The following EPB41L2 variants were observed in gnomAD, a reference collection of about 807,000 sequenced individuals.
EPB41L2 encodes band 4.1-like protein 2.
A neutral mutation model predicts 113.0 loss-of-function variants in EPB41L2; 43 were observed. The observed-to-expected ratio is 0.38, with a 90% confidence interval of 0.30 to 0.49. The LOEUF is 0.49. EPB41L2 is among the 20% of genes least tolerant of loss of function. The probability of loss-of-function intolerance (pLI) is 0.95; values close to 1 mark genes in which losing one functional copy is unlikely to be tolerated. For missense variants in EPB41L2, 1,147 were observed against 1,223.4 expected (o/e 0.94, Z 0.93); for synonymous variants, 442 against 436.7 (o/e 1.01, Z -0.15).
intron 1 of EPB41L2, among the ~76,000 whole-genome samples, chr6:130,998,742 T>C (rs1783707621): frequency 6.6e-6 from 1 of 152,132 alleles, no homozygotes; most frequent in Non-Finnish European, 1.5e-5. Context: ...AACAGGTAAA[T>C]TTTTCTCCCT....
chr6:130,925,883 C>A (rs1025901560), intron 4 of EPB41L2, among the ~76,000 whole-genome samples: 1 of 152,112 alleles, frequency 6.6e-6, no homozygotes, highest in African/African-American at 2.4e-5. Flanking sequence ...AAGAATTAAA[C>A]CACAAATTAG....
chr6:130,867,972 ACTCTCTCTCT>A (rs147376370), intron 15 of EPB41L2: 35 of 75,546 alleles, frequency 4.6e-4, no homozygotes, highest in Admixed American at 1.2e-3. Flanking sequence ...ACACACACAC[ACTCTCTCTCT>A]CTCTCTCTCT....
chr6:130,938,575 T>C (rs987437493), intron 3 of EPB41L2, among the ~76,000 whole-genome samples: 12 of 152,184 alleles, frequency 7.9e-5, no homozygotes, highest in Admixed American at 6.5e-5. Context: ...TGGGTGAACA[T>C]GGCCCTGAAC....
intron 1 of EPB41L2, among the ~76,000 whole-genome samples, chr6:131,001,468 T>G (rs1784371571): frequency 1.3e-5 from 2 of 152,124 alleles, no homozygotes; most frequent in South Asian, 4.1e-4. Flanking sequence ...AAGCGCAGAG[T>G]GCTGCCAGAA....
chr6:130,847,875 G>T (rs1352022233), intron 19 of EPB41L2, among the ~76,000 whole-genome samples: 1 of 152,096 alleles, frequency 6.6e-6, no homozygotes, highest in African/African-American at 2.4e-5. Context: ...AATAACAAAT[G>T]AACTATGGTC....
chr6:130,955,895 GT>G, intron 2 of EPB41L2, 98 bp downstream of exon 2: 3 of 1,515,882 alleles, frequency 2.0e-6, no homozygotes, highest in Non-Finnish European at 2.6e-6. Context: ...CAGTATCTCA[GT>G]ACAAGAAATC....
intron 1 of EPB41L2, among the ~76,000 whole-genome samples, chr6:131,008,369 C>T (rs1305322018): frequency 1.3e-5 from 2 of 152,232 alleles, no homozygotes; most frequent in Admixed American, 1.3e-4. Flanking sequence ...GGAACTTCCA[C>T]CTAGATTTCA....
At chr6:130,841,957 G>C (rs983102418) in intron 19 of EPB41L2, among the ~76,000 whole-genome samples, 7 of 152,148 alleles carry the variant, frequency 4.6e-5, no homozygotes, top group African/African-American at 1.7e-4. Flanking sequence ...AAGAGAAAAG[G>C]GTTTTAAGGT....
chr6:130,920,229 G>A (rs1487582969), intron 4 of EPB41L2, among the ~76,000 whole-genome samples: 3 of 152,146 alleles, frequency 2.0e-5, no homozygotes, highest in Non-Finnish European at 4.4e-5. Flanking sequence ...CTGGTCACAC[G>A]AGGCTATTTC....
intron 1 of EPB41L2, among the ~76,000 whole-genome samples, chr6:130,979,231 A>T (rs531830762): frequency 3.6e-4 from 55 of 152,236 alleles, no homozygotes; most frequent in African/African-American, 1.2e-3. Flanking sequence ...CATGCCTGTC[A>T]CCCCAGCACT....
chr6:131,004,786 T>C (rs1345467450), intron 1 of EPB41L2, among the ~76,000 whole-genome samples: 2 of 152,016 alleles, frequency 1.3e-5, no homozygotes, highest in Non-Finnish European at 2.9e-5. Context: ...ATCACCCAAC[T>C]CCCCACTACA....
chr6:130,864,532 G>C (rs1306354716), intron 17 of EPB41L2, among the ~76,000 whole-genome samples: 1 of 152,166 alleles, frequency 6.6e-6, no homozygotes, highest in African/African-American at 2.4e-5. Context: ...GGGGCACACT[G>C]GATGAGGCTG....
At chr6:130,855,125 G>C (rs913858342) in intron 19 of EPB41L2, among the ~76,000 whole-genome samples, 1 of 152,038 alleles carries the variant, frequency 6.6e-6, no homozygotes, top group Non-Finnish European at 1.5e-5. Context: ...GAGGCAGGCA[G>C]ATCACTTGAG....
intron 4 of EPB41L2, among the ~76,000 whole-genome samples, chr6:130,913,032 C>G (rs567253307): frequency 2.1e-4 from 32 of 152,138 alleles, no homozygotes; most frequent in Non-Finnish European, 3.4e-4. Context: ...AACAAAGGAC[C>G]CTTCTCTGTT....
chr6:131,033,961 T>C (rs1457698011), intron 1 of EPB41L2, among the ~76,000 whole-genome samples: 1 of 152,234 alleles, frequency 6.6e-6, no homozygotes, highest in Non-Finnish European at 1.5e-5. Context: ...TTGTATAGTT[T>C]TTAATATATC....
intron 1 of EPB41L2, among the ~76,000 whole-genome samples, chr6:131,047,171 T>A (rs545110980): frequency 1.3e-5 from 2 of 152,094 alleles, no homozygotes; most frequent in East Asian, 3.9e-4. Flanking sequence ...AATAAATAAA[T>A]GTAAAAGTGC....
chr6:130,944,801 G>T (rs1312510682), intron 3 of EPB41L2, among the ~76,000 whole-genome samples: 1 of 152,156 alleles, frequency 6.6e-6, no homozygotes, highest in Non-Finnish European at 1.5e-5. Context: ...GAGGTTATAC[G>T]TGACCAAGAG....
intron 1 of EPB41L2, among the ~76,000 whole-genome samples, chr6:131,030,363 T>C (rs1055037643): frequency 5.3e-5 from 8 of 152,262 alleles, no homozygotes; most frequent in African/African-American, 1.7e-4. Context: ...TACCAATAGG[T>C]TTTTAATGAA....
chr6:130,870,530 G>C, intron 14 of EPB41L2: 1 of 804,108 alleles, frequency 1.2e-6, no homozygotes, highest in Non-Finnish European at 2.0e-6. Flanking sequence ...GGACAATCAA[G>C]ACAAATGCCA....
Sources: allele counts gnomAD v4.1 joint callset (sites outside exome capture counted in the v4.1 genomes callset), GRCh38; gene constraint gnomAD v4.1.1; transcripts MANE v1.5; gene names NCBI Gene and HGNC (gene_info 2026-07-23, HGNC 2026-07-21).